The following THSD7B variants were observed in gnomAD, a reference collection of about 807,000 sequenced individuals.
THSD7B encodes the protein thrombospondin type 1 domain containing 7B, also known as thrombospondin type-1 domain-containing protein 7B.
THSD7B carries 138 observed loss-of-function variants against 213.6 expected under a neutral mutation model. That is an observed-to-expected ratio of 0.65 (90% CI 0.56 to 0.74). The LOEUF (loss-of-function observed/expected upper bound fraction) is 0.74. Among genes scored for constraint, THSD7B ranks in the 30% least tolerant of loss-of-function variants. THSD7B has a pLI of 0.00. For synonymous variants in THSD7B, 742 were observed against 687.0 expected (o/e 1.08, Z -1.25); for missense variants, 1,931 against 1,991.5 (o/e 0.97, Z 0.58).
chr2:137,043,636 A>G (rs1357458671), intron 2 of THSD7B, among the ~76,000 whole-genome samples: 2 of 152,166 alleles, frequency 1.3e-5, no homozygotes, highest in Admixed American at 6.5e-5. Flanking sequence ...TACCTCAGAA[A>G]TACCCAAGGT....
chr2:137,471,537 C>T (rs1056873424), intron 15 of THSD7B, among the ~76,000 whole-genome samples: 1 of 151,824 alleles, frequency 6.6e-6, no homozygotes, highest in Non-Finnish European at 1.5e-5. Flanking sequence ...TCCCAGAAAC[C>T]CCAATCTACT....
At chr2:137,499,552 G>T (rs1328029727) in intron 15 of THSD7B, among the ~76,000 whole-genome samples, 1 of 152,138 alleles carries the variant, frequency 6.6e-6, no homozygotes, top group East Asian at 1.9e-4. Context: ...TTCTACTTTT[G>T]ATCTCTTGAC....
chr2:137,140,425 A>G lies in THSD7B; in HGVS notation c.1370-19788A>G, dbSNP rs375910656. 4.8e-4 allele frequency among the ~76,000 whole-genome samples: 73 copies of G among 152,250 alleles called. 2 individuals are homozygous for G. The South Asian group carries it at 0.013, about 27-fold the overall frequency. On this transcript the variant is annotated intron_variant, in intron 5 of 27. Coordinates refer to ENST00000409968, the MANE Select transcript of THSD7B (RefSeq NM_001316349.2). ...TTTCTATGCCTTTGTTCAAATGTCA[A>G]TATTTTACTATGTTTCCTTGAAATG... is the stretch of plus-strand genomic sequence containing the variant.
At chr2:136,880,459 C>T (rs577140792) in intron 1 of THSD7B, among the ~76,000 whole-genome samples, 1 of 152,204 alleles carries the variant, frequency 6.6e-6, no homozygotes, top group Non-Finnish European at 1.5e-5. Flanking sequence ...TTTTAGATCT[C>T]CTTCACTCCA....
intron 2 of THSD7B, among the ~76,000 whole-genome samples, chr2:136,946,842 G>A (rs1174900347): frequency 2.0e-5 from 3 of 152,206 alleles, no homozygotes; most frequent in African/African-American, 7.2e-5. Flanking sequence ...GGTTGCAAAA[G>A]TGCAGTATTT....
At chr2:136,808,198 A>G (rs1573647816) in intron 1 of THSD7B, among the ~76,000 whole-genome samples, 1 of 152,214 alleles carries the variant, frequency 6.6e-6, no homozygotes, top group South Asian at 2.1e-4. Context: ...ATGAGGAACA[A>G]CTTCACTAAT....
At chr2:137,470,035 C>T (rs534091582) in intron 15 of THSD7B, among the ~76,000 whole-genome samples, 1 of 152,278 alleles carries the variant, frequency 6.6e-6, no homozygotes, top group South Asian at 2.1e-4. Flanking sequence ...CTCTGATTAA[C>T]TACTTTATAG....
At chr2:136,890,096 G>T (rs1045522665) in intron 2 of THSD7B, among the ~76,000 whole-genome samples, 6 of 152,054 alleles carry the variant, frequency 3.9e-5, no homozygotes, top group African/African-American at 1.4e-4. Context: ...TGCCATTACT[G>T]AGAAATTTGA....
chr2:136,874,913 T>C (rs2104984913), intron 1 of THSD7B, among the ~76,000 whole-genome samples: 1 of 150,038 alleles, frequency 6.7e-6, no homozygotes, highest in East Asian at 2.0e-4. Context: ...AGTCATAGCA[T>C]TTTTTTTTTC....
intron 2 of THSD7B, among the ~76,000 whole-genome samples, chr2:137,031,687 CAAAT>C (rs1255206030): frequency 2.0e-5 from 3 of 151,512 alleles, no homozygotes; most frequent in Non-Finnish European, 2.9e-5. Flanking sequence ...ATGTATTTGA[CAAAT>C]AAAATAATAA....
At chr2:137,154,142 G>A in intron 5 of THSD7B, among the ~76,000 whole-genome samples, 1 of 152,120 alleles carries the variant, frequency 6.6e-6, no homozygotes. Context: ...TACCCCTAAG[G>A]TAGAAAGCAG....
intron 14 of THSD7B, among the ~76,000 whole-genome samples, chr2:137,440,869 C>G (rs1687394185): frequency 6.6e-6 from 1 of 152,166 alleles, no homozygotes; most frequent in South Asian, 2.1e-4. Flanking sequence ...TACTTTTCTT[C>G]TAAGCTTATA....
chr2:137,501,122 G>A (rs1033062362), intron 15 of THSD7B, among the ~76,000 whole-genome samples: 4 of 152,036 alleles, frequency 2.6e-5, no homozygotes, highest in Non-Finnish European at 5.9e-5. Context: ...CTGTCAGGGG[G>A]TATATTGCTT....
chr2:137,027,345 A>G (rs568686803), intron 2 of THSD7B, among the ~76,000 whole-genome samples: 24 of 152,226 alleles, frequency 1.6e-4, no homozygotes, highest in African/African-American at 5.3e-4. Flanking sequence ...AATCTTCCAT[A>G]TGGCAGCTCC....
At chr2:137,586,691 C>G (rs909935388) in intron 17 of THSD7B, among the ~76,000 whole-genome samples, 2 of 152,218 alleles carry the variant, frequency 1.3e-5, no homozygotes, top group African/African-American at 2.4e-5. Context: ...TGTAGAGTTT[C>G]TGCAGAGAGA....
intron 3 of THSD7B, among the ~76,000 whole-genome samples, chr2:137,080,765 C>A (rs1240687387): frequency 6.6e-6 from 1 of 151,980 alleles, no homozygotes; most frequent in Non-Finnish European, 1.5e-5. Flanking sequence ...TTTTTCATAG[C>A]ATGAAATATT....
At chr2:136,795,549 G>A (rs1010292140) in intron 1 of THSD7B, among the ~76,000 whole-genome samples, 6 of 151,976 alleles carry the variant, frequency 3.9e-5, no homozygotes, top group Non-Finnish European at 7.4e-5. Flanking sequence ...TGTGAGGGCC[G>A]TTATCCTGCC....
intron 12 of THSD7B, among the ~76,000 whole-genome samples, chr2:137,356,607 T>A (rs1285290542): frequency 2.6e-5 from 4 of 152,152 alleles, no homozygotes; most frequent in Non-Finnish European, 5.9e-5. Flanking sequence ...GACACAAGCC[T>A]AGATGTGGTG....
intron 17 of THSD7B, among the ~76,000 whole-genome samples, chr2:137,596,893 A>G (rs1030542610): frequency 2.0e-5 from 3 of 152,090 alleles, no homozygotes; most frequent in African/African-American, 4.8e-5. Context: ...TAATGAGACA[A>G]GATTATTATG....
Sources: gnomAD v4.1 joint callset for allele counts (sites outside exome capture counted in the v4.1 genomes callset) on GRCh38, gnomAD v4.1.1 for gene constraint, MANE v1.5 for transcripts, NCBI Gene and HGNC (gene_info 2026-07-23, HGNC 2026-07-21) for gene names.